Variants in AXIN2 observed in about 807,000 individuals in gnomAD.
AXIN2 encodes the protein axin-2.
AXIN2 carries 21 observed loss-of-function variants against 74.7 expected under a neutral mutation model. That is an observed-to-expected ratio of 0.28 (90% CI 0.20 to 0.40). The LOEUF (loss-of-function observed/expected upper bound fraction) is 0.40, where lower values mean the gene tolerates loss of function less well. Ranked by LOEUF, AXIN2 falls within the 10% of genes least tolerant of loss-of-function variation. AXIN2 has a pLI of 1.00. For missense variants in AXIN2, 1,144 were observed against 1,111.1 expected (o/e 1.03, Z -0.42); for synonymous variants, 532 against 454.9 (o/e 1.17, Z -2.16).
intron 10 of AXIN2, among the ~76,000 whole-genome samples, chr17:65,531,807 G>A (rs1468107224): frequency 3.9e-5 from 6 of 152,130 alleles, no homozygotes; most frequent in East Asian, 1.9e-4. Flanking sequence ...CACCAACAGC[G>A]TCTGGCGCGT....
At chr17:65,555,615 T>C (rs1433339169) in intron 2 of AXIN2, among the ~76,000 whole-genome samples, 1 of 152,184 alleles carries the variant, frequency 6.6e-6, no homozygotes, top group Non-Finnish European at 1.5e-5. Flanking sequence ...TGTTTATTAT[T>C]TTGGTCCTAA....
chr17:65,532,077 C>T (rs2043829625), intron 10 of AXIN2, among the ~76,000 whole-genome samples: 1 of 152,180 alleles, frequency 6.6e-6, no homozygotes, highest in Non-Finnish European at 1.5e-5. Flanking sequence ...GATAAGGCAG[C>T]TGGGAGGGCC....
intron 2 of AXIN2, 35 bp from the exon 3 acceptor site, chr17:65,549,695 A>C (rs759267295): frequency 6.4e-7 from 1 of 1,573,656 alleles, no homozygotes; most frequent in African/African-American, 1.3e-5. Context: ...TCAGTCACTG[A>C]CCCTCACCAG....
intron 2 of AXIN2, among the ~76,000 whole-genome samples, chr17:65,550,299 C>G (rs2044172713): frequency 6.6e-6 from 1 of 152,212 alleles, no homozygotes; most frequent in Non-Finnish European, 1.5e-5. Flanking sequence ...GCCCCTTCCC[C>G]CAACCCCCAG....
rs758255310 is a variant in AXIN2, at chr17:65,537,795, C to T, written c.1241G>A (p.Arg414Gln). 17 of 1,586,242 alleles carry T rather than the reference C, an allele frequency of 1.1e-5. No homozygotes were observed. In the Middle Eastern group the frequency reaches 8.3e-4, roughly 77 times the overall value. The change falls in exon 6 of 11, where the codon CGG becomes CAG. Residue 414 changes from arginine to glutamine, a missense_variant. Physicochemically the swap from Arg to Gln is conservative, Grantham distance 43 (BLOSUM62 1). This residue lies in a region of AXIN2 where 1,053 missense variants were observed against 973.5 expected (regional missense o/e 1.08). Coordinates refer to ENST00000307078, the MANE Select transcript of AXIN2 (RefSeq NM_004655.4). Reference sequence around the variant, plus strand: ...GGGGTGCTGCGTGGGCGCCCCCTCCCGCGAATTGAGTGTGAGCTCGGAGCC... The same window carrying T: ...GGGGTGCTGCGTGGGCGCCCCCTCCTGCGAATTGAGTGTGAGCTCGGAGCC... ...REGSELTLNS[R>Q]EGAPTQHPLS...
At chr17:65,553,130 T>G (rs984729484) in intron 2 of AXIN2, among the ~76,000 whole-genome samples, 18 of 152,238 alleles carry the variant, frequency 1.2e-4, no homozygotes, top group Admixed American at 5.9e-4. Context: ...GACTGGACAC[T>G]GGTGTTTCCA....
At chr17:65,536,223 C>A in intron 8 of AXIN2, 97 bp downstream of exon 8, 1 of 1,277,032 alleles carries the variant, frequency 7.8e-7, no homozygotes, top group Non-Finnish European at 1.1e-6. Context: ...GGGTTTGAGA[C>A]CCAGGCAGAA....
intron 9 of AXIN2, 140 bp from the exon 10 acceptor site, chr17:65,534,219 T>A (rs2043871499): frequency 9.3e-7 from 1 of 1,071,882 alleles, no homozygotes; most frequent in Middle Eastern, 2.5e-4. Flanking sequence ...AAGTGGGGGC[T>A]GGGGCAGAGC....
Position 65,558,119 on chromosome 17 carries a change from A to C in AXIN2, c.502T>G (p.Ser168Ala). 1 of 1,613,910 alleles carries C rather than the reference A, an allele frequency of 6.2e-7. No individual in the cohort carries two copies. Among genetic ancestry groups the C allele is most frequent in the Non-Finnish European group, 8.5e-7 (1 of 1,179,990 alleles). ...RDGIKKQQIDSIMFDQAQTEI... is the reference protein window; with the variant it reads ...RDGIKKQQIDAIMFDQAQTEI... ...GTCTGCGCCTGGTCAAACATGATGG[A>C]ATCAATCTGCTGCTTCTTGATGCCA... is the stretch of plus-strand genomic sequence containing the variant. The change falls in exon 2 of 11, where the codon TCC (serine) becomes GCC (alanine). Residue 168 changes from serine to alanine, a missense_variant. This residue lies in a region of AXIN2 where 1,053 missense variants were observed against 973.5 expected (regional missense o/e 1.08). Transcript: ENST00000307078.
intron 9 of AXIN2, among the ~76,000 whole-genome samples, chr17:65,534,402 G>A (rs2043874829): frequency 6.6e-6 from 1 of 152,222 alleles, no homozygotes; most frequent in African/African-American, 2.4e-5. Flanking sequence ...CATAAATGGG[G>A]TGCTTCCTCA....
rs878854735 is a variant in AXIN2 at position 65,557,822 on chromosome 17, C to G, written c.799G>C (p.Val267Leu). 53 of 1,614,108 alleles carry G rather than the reference C, an allele frequency of 3.3e-5. No individual in the cohort carries two copies. Among genetic ancestry groups the G allele is most frequent in the Non-Finnish European group, 4.2e-5 (50 of 1,180,044 alleles). The change falls in exon 2 of 11, where the codon GTT becomes CTT. Residue 267 changes from valine (V) to leucine (L), a missense_variant. Val to Leu is a conservative substitution (Grantham distance 32). This residue lies in a region of AXIN2 where 1,053 missense variants were observed against 973.5 expected (regional missense o/e 1.08). Transcript: ENST00000307078. ...ATASVRSTET[V>L]DSGYRSFKRS... ...AAGTCTTACCTGTATCCACTGTCAA[C>G]AGTTTCCGTGGACCTCACACTCGCC... is the stretch of plus-strand genomic sequence containing the variant.
intron 2 of AXIN2, among the ~76,000 whole-genome samples, 172 bp downstream of exon 2, chr17:65,557,634 C>A (rs1273767629): frequency 6.6e-6 from 1 of 152,190 alleles, no homozygotes; most frequent in Non-Finnish European, 1.5e-5. Flanking sequence ...GTATGTGCAT[C>A]GCTTTCCCCC....
chr17:65,535,219 T>C (rs540826867), intron 9 of AXIN2, among the ~76,000 whole-genome samples: 1 of 152,320 alleles, frequency 6.6e-6, no homozygotes, highest in Non-Finnish European at 1.5e-5. Context: ...TGGGGGAAGA[T>C]ATTCTGTCTT....
chr17:65,537,207 C>T, intron 6 of AXIN2, 117 bp downstream of exon 6: 2 of 1,558,004 alleles, frequency 1.3e-6, no homozygotes, highest in Non-Finnish European at 1.8e-6. Flanking sequence ...CGGCCGTGCA[C>T]TCTGCCGCCC....
At chr17:65,554,029 C>T (rs1020709729) in intron 2 of AXIN2, among the ~76,000 whole-genome samples, 3 of 152,136 alleles carry the variant, frequency 2.0e-5, no homozygotes, top group Non-Finnish European at 4.4e-5. Flanking sequence ...CCTCAGTAAG[C>T]AAAGGGTTTT....
chr17:65,534,211 G>C, intron 9 of AXIN2, 132 bp from the exon 10 acceptor site: 4 of 1,160,990 alleles, frequency 3.4e-6, no homozygotes, highest in Non-Finnish European at 5.1e-6. Context: ...TAAACCCAAA[G>C]TGGGGGCTGG....
At chr17:65,539,363 A>G (rs1407256356) in intron 4 of AXIN2, among the ~76,000 whole-genome samples, 2 of 152,224 alleles carry the variant, frequency 1.3e-5, no homozygotes, top group East Asian at 3.8e-4. Context: ...CTGGGGAAGA[A>G]GAGAAAGGCT....
rs1338041687 is a variant in AXIN2, at chr17:65,529,904, C to T, written c.*72G>A. The T allele has an allele frequency of 6.8e-6, 11 of 1,611,640 alleles. No individual in the cohort carries two copies. The highest frequency in any genetic ancestry group is 2.2e-5 in the South Asian group (2 of 90,848). On this transcript the variant is annotated 3_prime_UTR_variant, in exon 11 of 11. Transcript: ENST00000307078. ...AATTTTCCTTCAAAATGTTTTGTCG[C>T]AGTTGCTCACAGCCAAGACAGTTCA...
rs1484505007 is a variant in AXIN2, at chr17:65,558,688, G to T, written c.-68C>A. On this transcript the variant is annotated 5_prime_UTR_variant, in exon 2 of 11. Coordinates refer to ENST00000307078, the MANE Select transcript of AXIN2 (RefSeq NM_004655.4). ...TCCAGTTCCTCTCAGCAATCGGCGTGGTCTCTCTGTCTCTCTCAAGTCAGC... is the reference window on the plus strand; with the variant it reads ...TCCAGTTCCTCTCAGCAATCGGCGTTGTCTCTCTGTCTCTCTCAAGTCAGC... 1.5e-5 allele frequency: 22 copies of T among 1,494,258 alleles called. No individual in the cohort carries two copies. Among genetic ancestry groups the T allele is most frequent in the Non-Finnish European group, 2.0e-5 (22 of 1,104,176 alleles). 92.6% of individuals were successfully genotyped at this position (1,494,258 alleles called of 1,614,324 possible).
Sources: gnomAD v4.1 joint callset for allele counts (sites outside exome capture counted in the v4.1 genomes callset) on GRCh38, gnomAD v4.1.1 for gene constraint, gnomAD v4.1.1 regional missense constraint, MANE v1.5 for transcripts, NCBI Gene and HGNC (gene_info 2026-07-23, HGNC 2026-07-21) for gene names.